KCND2: variants seen among roughly 807,000 people sequenced by gnomAD.
KCND2 encodes potassium voltage-gated channel subfamily D member 2.
Under a neutral mutation model 54.4 loss-of-function variants are expected in KCND2, and 16 were observed. That is an observed-to-expected ratio of 0.29 (90% CI 0.20 to 0.45). The LOEUF is 0.45. KCND2 is among the 20% of genes least tolerant of loss of function. The pLI, the probability that KCND2 is intolerant of heterozygous loss-of-function variation, is 1.00. For missense variants in KCND2, 486 were observed against 824.2 expected (o/e 0.59, Z 5.02); for synonymous variants, 317 against 310.7 (o/e 1.02, Z -0.21).
intron 1 of KCND2, among the ~76,000 whole-genome samples, chr7:120,706,547 AACAGGTCTCATGG>A (rs1792471124): frequency 6.6e-6 from 1 of 152,192 alleles, no homozygotes; most frequent in African/African-American, 2.4e-5. Flanking sequence ...TTCACAATGG[AACAGGTCTCATGG>A]CTTAATCACC....
At chr7:120,358,028 A>C (rs940493592) in intron 1 of KCND2, among the ~76,000 whole-genome samples, 1 of 152,160 alleles carries the variant, frequency 6.6e-6, no homozygotes, top group African/African-American at 2.4e-5. Flanking sequence ...ATGGGTGTTC[A>C]GAAAATTGGA....
At chr7:120,462,962 C>T (rs773150695) in intron 1 of KCND2, among the ~76,000 whole-genome samples, 2 of 151,994 alleles carry the variant, frequency 1.3e-5, no homozygotes, top group Non-Finnish European at 2.9e-5. Flanking sequence ...TTTATCCAAA[C>T]TTACTTTTCT....
intron 1 of KCND2, among the ~76,000 whole-genome samples, chr7:120,657,960 A>G (rs1166937986): frequency 6.6e-6 from 1 of 152,216 alleles, no homozygotes; most frequent in African/African-American, 2.4e-5. Context: ...CATATTACCT[A>G]GATTTATTCT....
At chr7:120,684,471 T>C (rs1373994808) in intron 1 of KCND2, among the ~76,000 whole-genome samples, 1 of 152,192 alleles carries the variant, frequency 6.6e-6, no homozygotes, top group African/African-American at 2.4e-5. Context: ...CCACCAGTTT[T>C]CATTTTAAGA....
At chr7:120,496,598 G>A (rs556700147) in intron 1 of KCND2, among the ~76,000 whole-genome samples, 13 of 148,956 alleles carry the variant, frequency 8.7e-5, no homozygotes, top group Admixed American at 2.7e-4. Context: ...CTGCTTTTTC[G>A]TATTTTTAGT....
At chr7:120,596,556 G>T (rs756746092) in intron 1 of KCND2, among the ~76,000 whole-genome samples, 1 of 152,150 alleles carries the variant, frequency 6.6e-6, no homozygotes, top group Non-Finnish European at 1.5e-5. Flanking sequence ...AATTGTATAT[G>T]CCAAAGACAG....
chr7:120,669,015 G>A (rs1465511601), intron 1 of KCND2, among the ~76,000 whole-genome samples: 2 of 152,036 alleles, frequency 1.3e-5, no homozygotes, highest in African/African-American at 4.8e-5. Flanking sequence ...TACTTTCAGT[G>A]TATAAATGGA....
At chr7:120,504,415 G>A (rs1228980180) in intron 1 of KCND2, among the ~76,000 whole-genome samples, 2 of 151,554 alleles carry the variant, frequency 1.3e-5, no homozygotes, top group African/African-American at 4.8e-5. Context: ...CAAGTATGTG[G>A]ATCTATTTTT....
chr7:120,644,159 A>G (rs1793409974), intron 1 of KCND2, among the ~76,000 whole-genome samples: 1 of 152,124 alleles, frequency 6.6e-6, no homozygotes, highest in Admixed American at 6.5e-5. Context: ...TAATATTTAA[A>G]GTCTAGGACA....
chr7:120,357,674 A>G (rs927975305), intron 1 of KCND2, among the ~76,000 whole-genome samples: 2 of 151,896 alleles, frequency 1.3e-5, no homozygotes, highest in Non-Finnish European at 2.9e-5. Context: ...AACAAACCAG[A>G]TGACTTAAAC....
intron 1 of KCND2, among the ~76,000 whole-genome samples, chr7:120,293,287 G>A (rs533557174): frequency 8.0e-4 from 122 of 152,006 alleles, no homozygotes; most frequent in Non-Finnish European, 1.5e-3. Flanking sequence ...AAGCTATAAA[G>A]GAAACTTCAT....
At chr7:120,477,983 T>A (rs1802554189) in intron 1 of KCND2, among the ~76,000 whole-genome samples, 1 of 152,188 alleles carries the variant, frequency 6.6e-6, no homozygotes, top group African/African-American at 2.4e-5. Flanking sequence ...TTCAAAATTC[T>A]TTGAATGGAT....
At chr7:120,637,011 C>G (rs1793313065) in intron 1 of KCND2, among the ~76,000 whole-genome samples, 1 of 152,094 alleles carries the variant, frequency 6.6e-6, no homozygotes, top group South Asian at 2.1e-4. Context: ...AAAGGTAATT[C>G]ATCCAGGCTC....
At chr7:120,427,715 G>A (rs1258523264) in intron 1 of KCND2, among the ~76,000 whole-genome samples, 1 of 151,040 alleles carries the variant, frequency 6.6e-6, no homozygotes, top group Non-Finnish European at 1.5e-5. Flanking sequence ...GTAAAAAAAT[G>A]TCAATATTTT....
At chr7:120,733,534 G>T (rs1020471563) in intron 2 of KCND2, among the ~76,000 whole-genome samples, 1 of 152,098 alleles carries the variant, frequency 6.6e-6, no homozygotes, top group Non-Finnish European at 1.5e-5. Flanking sequence ...AATGACAGTA[G>T]CAAAATCAGA....
chr7:120,381,109 T>C (rs1191969305), intron 1 of KCND2, among the ~76,000 whole-genome samples: 1 of 151,860 alleles, frequency 6.6e-6, no homozygotes, highest in East Asian at 1.9e-4. Flanking sequence ...AAACCCCATC[T>C]CTACTAAAAA....
chr7:120,295,201 G>A (rs562394731), intron 1 of KCND2, among the ~76,000 whole-genome samples: 4 of 152,056 alleles, frequency 2.6e-5, no homozygotes, highest in African/African-American at 9.6e-5. Context: ...TTCTGTTTCA[G>A]TAGTTATTAG....
At chr7:120,718,768 G>A (rs907115114) in intron 1 of KCND2, among the ~76,000 whole-genome samples, 6 of 152,150 alleles carry the variant, frequency 3.9e-5, no homozygotes, top group Non-Finnish European at 8.8e-5. Flanking sequence ...AGCCATTGGG[G>A]CATTCCTCTT....
chr7:120,698,545 G>A (rs139626079), intron 1 of KCND2, among the ~76,000 whole-genome samples: 5 of 152,292 alleles, frequency 3.3e-5, no homozygotes, highest in Admixed American at 1.3e-4. Flanking sequence ...GTCAGTTTCA[G>A]CTATTTGTGA....
Sources: allele counts gnomAD v4.1 joint callset (sites outside exome capture counted in the v4.1 genomes callset), GRCh38; gene constraint gnomAD v4.1.1; transcripts MANE v1.5; gene names NCBI Gene and HGNC (gene_info 2026-07-23, HGNC 2026-07-21).